L3MBTL3: variants seen among roughly 807,000 people sequenced by gnomAD.
L3MBTL3 encodes the protein lethal(3)malignant brain tumor-like protein 3.
In L3MBTL3, 27 loss-of-function variants were observed where a neutral mutation model predicts 102.3. The observed-to-expected ratio is 0.26, with a 90% CI of 0.19 to 0.36. L3MBTL3 has a LOEUF of 0.36. L3MBTL3 is among the 10% of genes least tolerant of loss of function. The pLI is 1.00. For synonymous variants in L3MBTL3, 340 were observed against 320.9 expected, an observed-to-expected ratio of 1.06 and a Z score of -0.64; for missense variants, 798 against 955.3, an observed-to-expected ratio of 0.84 and a Z score of 2.17.
At chr6:130,082,217 A>G (rs1396752983) in intron 14 of L3MBTL3, among the ~76,000 whole-genome samples, 1 of 152,032 alleles carries the variant, frequency 6.6e-6, no homozygotes, top group African/African-American at 2.4e-5. Context: ...GGAGAGATAC[A>G]TTTTCTGGAG....
At chr6:130,071,593 A>G (rs1350056052) in intron 13 of L3MBTL3, among the ~76,000 whole-genome samples, 2 of 152,072 alleles carry the variant, frequency 1.3e-5, no homozygotes, top group Non-Finnish European at 2.9e-5. Context: ...TATTTTGATT[A>G]AACAGTTGAA....
chr6:130,129,647 C>T (rs1380030051), intron 20 of L3MBTL3, among the ~76,000 whole-genome samples: 1 of 152,148 alleles, frequency 6.6e-6, no homozygotes, highest in African/African-American at 2.4e-5. Flanking sequence ...CAGAAAACTT[C>T]AGAAATATAG....
intron 10 of L3MBTL3, among the ~76,000 whole-genome samples, chr6:130,064,244 G>A (rs1562279023): frequency 6.6e-6 from 1 of 152,174 alleles, no homozygotes; most frequent in Non-Finnish European, 1.5e-5. Flanking sequence ...GCTAGGAAAG[G>A]AAGGCTTGGG....
intron 2 of L3MBTL3, among the ~76,000 whole-genome samples, chr6:130,032,358 A>G (rs941511847): frequency 6.6e-6 from 1 of 152,064 alleles, no homozygotes; most frequent in Admixed American, 6.6e-5. Flanking sequence ...CTGAGGCGGG[A>G]GGAGTGTTTG....
chr6:130,057,501 C>T lies in L3MBTL3; in HGVS notation c.759+4C>T, dbSNP rs376325286. 8.8e-5 allele frequency: 141 copies of T among 1,602,264 alleles called. No individual in the cohort carries two copies. Among genetic ancestry groups the T allele is most frequent in the African/African-American group, 1.2e-4 (9 of 74,960 alleles). ...GCCGGCGAAGCTGTTCAAGGAGGTA[C>T]GGGCCCTTCTAGAGACGTGATCTGT... On this transcript the variant is annotated splice_donor_region_variant and intron_variant, in intron 9 of 22. Coordinates refer to ENST00000361794, the MANE Select transcript of L3MBTL3 (RefSeq NM_032438.4).
At chr6:130,033,813 A>G (rs370070102) in intron 2 of L3MBTL3, among the ~76,000 whole-genome samples, 6 of 152,264 alleles carry the variant, frequency 3.9e-5, no homozygotes, top group African/African-American at 7.2e-5. Context: ...CAACTGTAAA[A>G]TTATTAAAAC....
chr6:130,039,442 T>A (rs1393710142), intron 2 of L3MBTL3, among the ~76,000 whole-genome samples: 2 of 152,098 alleles, frequency 1.3e-5, no homozygotes, highest in Non-Finnish European at 2.9e-5. Flanking sequence ...ATATTGTGAT[T>A]GGTTGATATG....
chr6:130,127,950 AT>A (rs1786725267), intron 20 of L3MBTL3, among the ~76,000 whole-genome samples: 1 of 152,124 alleles, frequency 6.6e-6, no homozygotes, highest in Non-Finnish European at 1.5e-5. Flanking sequence ...ATTTTATACC[AT>A]TTTCTGAATG....
chr6:130,058,065 C>A (rs903203662), intron 9 of L3MBTL3, among the ~76,000 whole-genome samples: 7 of 147,762 alleles, frequency 4.7e-5, no homozygotes, highest in African/African-American at 1.7e-4. Flanking sequence ...ATGGCGTGAA[C>A]CCAGGAAGTG....
intron 10 of L3MBTL3, 40 bp from the exon 11 acceptor site, chr6:130,066,309 TTCTG>T (rs1782255323): frequency 4.9e-6 from 5 of 1,016,030 alleles, no homozygotes; most frequent in Non-Finnish European, 4.2e-6. Context: ...TATATGAATA[TTCTG>T]AGTTAAAAAA....
In L3MBTL3 at chr6:130,104,390, A is replaced by G. The variant is rs752798130; in HGVS notation, c.1737-36A>G. On this transcript the variant is annotated intron_variant, in intron 18 of 22. Coordinates refer to ENST00000361794, the MANE Select transcript of L3MBTL3 (RefSeq NM_032438.4). Reference sequence around the variant, plus strand: ...AAGTATGGCCTAATGGAAATGTTCAATGTTCTTTTTTTTTTCTTTTCTTTT... The same window carrying G: ...AAGTATGGCCTAATGGAAATGTTCAGTGTTCTTTTTTTTTTCTTTTCTTTT... 32 of 1,450,828 alleles carry G rather than the reference A, an allele frequency of 2.2e-5. No individual in the cohort carries two copies. The East Asian group carries it at 6.7e-4, about 30-fold the overall frequency. The allele number at this position is 1,450,828 out of a possible 1,614,324, so 89.9% of individuals were successfully genotyped here.
At chr6:130,050,702 A>G (rs754474836) in intron 5 of L3MBTL3, among the ~76,000 whole-genome samples, 1 of 152,190 alleles carries the variant, frequency 6.6e-6, no homozygotes, top group Non-Finnish European at 1.5e-5. Context: ...TTGGTGCCTA[A>G]TAACTGCTGG....
intron 2 of L3MBTL3, among the ~76,000 whole-genome samples, chr6:130,036,578 C>CT (rs1325543308): frequency 1.6e-4 from 24 of 152,268 alleles, no homozygotes; most frequent in Admixed American, 1.4e-3. Context: ...ACAGTACTAG[C>CT]TTTTAGATAT....
At position 130,060,062 on chromosome 6, in the gene L3MBTL3, T is replaced by A. The variant is rs1562275416; in HGVS notation, c.786T>A (p.Asn262Lys). ...KEHQSFPYNK[N>K]GFKVGMKLEG... is the part of the protein sequence containing the mutation. ...ATCAATCCTTTCCATATAACAAAAA[T>A]GGATTCAAAGTTGGCATGAAATTAG... is the stretch of plus-strand genomic sequence containing the variant. The change falls in exon 10 of 23, where the codon AAT becomes AAA. Residue 262 changes from asparagine (N) to lysine (K), a missense_variant. Coordinates refer to ENST00000361794, the MANE Select transcript of L3MBTL3 (RefSeq NM_032438.4). 6.2e-7 allele frequency: 1 copy of A among 1,613,002 alleles called. No homozygotes were observed. Among genetic ancestry groups the A allele is most frequent in the Non-Finnish European group, 8.5e-7 (1 of 1,179,178 alleles).
At chr6:130,072,771 A>G (rs1782717852) in intron 13 of L3MBTL3, among the ~76,000 whole-genome samples, 1 of 152,138 alleles carries the variant, frequency 6.6e-6, no homozygotes, top group African/African-American at 2.4e-5. Flanking sequence ...TTATTTTTAA[A>G]AATATAATAA....
At chr6:130,113,965 T>C (rs1261968642) in intron 19 of L3MBTL3, among the ~76,000 whole-genome samples, 1 of 152,212 alleles carries the variant, frequency 6.6e-6, no homozygotes, top group Admixed American at 6.5e-5. Flanking sequence ...CCTTGGGAAG[T>C]TGGTTTTTTG....
At chr6:130,117,694 A>G (rs370473585) in intron 19 of L3MBTL3, among the ~76,000 whole-genome samples, 1 of 152,012 alleles carries the variant, frequency 6.6e-6, no homozygotes, top group East Asian at 1.9e-4. Flanking sequence ...TTGAATAAAC[A>G]ATTTTTCTTG....
rs9492439 is a variant in L3MBTL3 at position 130,030,361 on chromosome 6, T to G, written c.-16+8056T>G. Among the ~76,000 whole-genome samples the G allele has an allele frequency of 3.8e-3, 585 of 151,980 alleles. 4 individuals carry two copies. The highest frequency in any genetic ancestry group is 0.013 in the African/African-American group (542 of 41,470). ...CTAAGATTATACAGCTAGTAAATTG[T>G]GAAGCTAAGATTTAAACCCGGCCGG... On this transcript the variant is annotated intron_variant, in intron 2 of 22. Coordinates refer to ENST00000361794, the MANE Select transcript of L3MBTL3 (RefSeq NM_032438.4).
intron 13 of L3MBTL3, 39 bp downstream of exon 13, chr6:130,071,166 A>G (rs371953989): frequency 1.5e-5 from 23 of 1,567,466 alleles, no homozygotes; most frequent in Non-Finnish European, 2.0e-5. Context: ...AAAATTTAAT[A>G]TTTATCCAAG....
Sources: gnomAD v4.1 joint callset for allele counts (sites outside exome capture counted in the v4.1 genomes callset) on GRCh38, gnomAD v4.1.1 for gene constraint, MANE v1.5 for transcripts, NCBI Gene and HGNC (gene_info 2026-07-23, HGNC 2026-07-21) for gene names.